The following MDH1 variants were observed in gnomAD, a reference collection of about 807,000 sequenced individuals.
The protein encoded by MDH1 is malate dehydrogenase 1, also known as malate dehydrogenase, cytoplasmic.
In MDH1, 15 loss-of-function variants were observed where a neutral mutation model predicts 38.7. The observed-to-expected ratio is 0.39, with a 90% confidence interval of 0.26 to 0.60. The LOEUF (loss-of-function observed/expected upper bound fraction) is 0.60. Among genes scored for constraint, MDH1 ranks in the 20% least tolerant of loss-of-function variants. The pLI is 0.56. For synonymous variants in MDH1, 144 were observed against 143.6 expected (o/e 1.00, Z -0.02); for missense variants, 368 against 405.2 (o/e 0.91, Z 0.79).
intron 5 of MDH1, among the ~76,000 whole-genome samples, chr2:63,602,498 G>A (rs1709442914): frequency 6.6e-6 from 1 of 151,958 alleles, no homozygotes; most frequent in Admixed American, 6.5e-5. Flanking sequence ...GGAAGTTGAT[G>A]AACTACACAA....
intron 1 of MDH1, chr2:63,589,355 G>T: frequency 6.4e-7 from 1 of 1,550,646 alleles, no homozygotes; most frequent in Non-Finnish European, 8.7e-7. Flanking sequence ...TTTTCCAAAG[G>T]ACGTTACGGT....
chr2:63,593,986 A>G (rs1230587481), intron 1 of MDH1, among the ~76,000 whole-genome samples: 1 of 152,200 alleles, frequency 6.6e-6, no homozygotes, highest in African/African-American at 2.4e-5. Flanking sequence ...TTCTCCCGAA[A>G]TAAAAAATCT....
intron 5 of MDH1, among the ~76,000 whole-genome samples, chr2:63,601,948 G>T (rs982262287): frequency 6.6e-6 from 1 of 152,190 alleles, no homozygotes; most frequent in Non-Finnish European, 1.5e-5. Flanking sequence ...GGTCATGGCA[G>T]ACGTAAAAAA....
At chr2:63,601,917 G>C (rs1349557253) in intron 5 of MDH1, among the ~76,000 whole-genome samples, 1 of 152,146 alleles carries the variant, frequency 6.6e-6, no homozygotes, top group Non-Finnish European at 1.5e-5. Context: ...TATAAGAGCA[G>C]TTTCTTCCCC....
In MDH1 at chr2:63,602,934, C is replaced by CTTTTTTTTTTTTT. The variant is rs370479356; in HGVS notation, c.499-1731_499-1719dup. On this transcript the variant is annotated intron_variant, in intron 5 of 8. Coordinates refer to ENST00000233114, the MANE Select transcript of MDH1 (RefSeq NM_005917.4). ...ACATAATACAGTTTATTTAACCGTT[C>CTTTTTTTTTTTTT]TTTTTTTTTTTTTTTTTTTTTTTTT... is the stretch of plus-strand genomic sequence containing the variant. Among the ~76,000 whole-genome samples the CTTTTTTTTTTTTT allele has an allele frequency of 6.9e-4, 91 of 131,592 alleles. 6 individuals are homozygous for CTTTTTTTTTTTTT. Among genetic ancestry groups the CTTTTTTTTTTTTT allele is most frequent in the Non-Finnish European group, 1.2e-3 (69 of 59,590 alleles). 86.3% of individuals were successfully genotyped at this position (131,592 alleles called of 152,430 possible). A position where few individuals can be genotyped will look rare whatever the true frequency, so the allele number is the denominator to read the frequency against.
intron 1 of MDH1, 90 bp from the exon 2 acceptor site, chr2:63,594,398 G>T: frequency 1.0e-6 from 1 of 976,516 alleles, no homozygotes; most frequent in Non-Finnish European, 1.7e-6. Context: ...CACTTTTAAA[G>T]TATGTGGATT....
At chr2:63,601,420 T>C (rs750713642) in intron 5 of MDH1, among the ~76,000 whole-genome samples, 2 of 152,182 alleles carry the variant, frequency 1.3e-5, no homozygotes, top group Non-Finnish European at 2.9e-5. Context: ...TAATTTGACA[T>C]TGATACCAGA....
chr2:63,592,927 T>C (rs1157406919), intron 1 of MDH1, among the ~76,000 whole-genome samples: 1 of 151,958 alleles, frequency 6.6e-6, no homozygotes, highest in Non-Finnish European at 1.5e-5. Flanking sequence ...TTTCCTCACC[T>C]ACTCTACTTC....
chr2:63,592,600 C>A (rs1361644408), intron 1 of MDH1, among the ~76,000 whole-genome samples: 1 of 152,224 alleles, frequency 6.6e-6, no homozygotes. Context: ...CCCGCCTTGT[C>A]CCCCCGCGCA....
chr2:63,599,177 T>C lies in MDH1; in HGVS notation c.383T>C (p.Val128Ala). The change falls in exon 5 of 9, where the codon GTT becomes GCT. Residue 128 changes from valine (V) to alanine (A), a missense_variant. Coordinates refer to ENST00000233114, the MANE Select transcript of MDH1 (RefSeq NM_005917.4). ...GCCTTCCATTCCTCCTAGGTTATTG[T>C]TGTGGGTAATCCAGCCAATACCAAC... ...KYAKKSVKVI[V>A]VGNPANTNCL... The C allele has an allele frequency of 6.2e-7, 1 of 1,613,682 alleles. No individual in the cohort carries two copies. Among genetic ancestry groups the C allele is most frequent in the Non-Finnish European group, 8.5e-7 (1 of 1,179,674 alleles).
At chr2:63,592,565 C>T (rs575345425) in intron 1 of MDH1, among the ~76,000 whole-genome samples, 5 of 152,234 alleles carry the variant, frequency 3.3e-5, no homozygotes, top group South Asian at 2.1e-4. Flanking sequence ...AGGCTGGTCT[C>T]GAACTCCTGG....
chr2:63,595,829 T>C (rs2106608235), intron 3 of MDH1, among the ~76,000 whole-genome samples: 1 of 152,336 alleles, frequency 6.6e-6, no homozygotes, highest in South Asian at 2.1e-4. Flanking sequence ...ACACACACAT[T>C]ATAGACAACG....
rs772495239 is a variant in MDH1 at position 63,597,425 on chromosome 2, G to T, written c.226G>T (p.Val76Phe). ...KDVIATDKED[V>F]AFKDLDVAIL... is the part of the protein sequence containing the mutation. ...TGTCATCGCAACAGATAAAGAAGAC[G>T]TTGCCTTCAAAGACCTGGATGTGGC... is the stretch of plus-strand genomic sequence containing the variant. Residue 76 changes from valine (V) to phenylalanine (F), a missense_variant, in exon 4 of 9, where the codon GTT (valine) becomes TTT (phenylalanine). Coordinates refer to ENST00000233114, the MANE Select transcript of MDH1 (RefSeq NM_005917.4). The T allele has an allele frequency of 1.4e-6, 2 of 1,450,794 alleles. No individual in the cohort carries two copies. Among genetic ancestry groups the T allele is most frequent in the East Asian group, 2.6e-5 (1 of 38,712 alleles). 89.9% of individuals were successfully genotyped at this position (1,450,794 alleles called of 1,614,324 possible). A position where few individuals can be genotyped will look rare whatever the true frequency, so the allele number is the denominator to read the frequency against.
At chr2:63,604,556 T>C in intron 5 of MDH1, 140 bp from the exon 6 acceptor site, 1 of 695,126 alleles carries the variant, frequency 1.4e-6, no homozygotes, top group Non-Finnish European at 2.3e-6. Context: ...TTTACATTTT[T>C]TACAAGTCAA....
intron 5 of MDH1, among the ~76,000 whole-genome samples, chr2:63,601,688 G>A (rs1709421566): frequency 6.6e-6 from 1 of 152,184 alleles, no homozygotes; most frequent in African/African-American, 2.4e-5. Context: ...GGAGCAAGAG[G>A]AGGAGGGCAA....
intron 1 of MDH1, chr2:63,590,106 C>T (rs965396907): frequency 6.6e-6 from 1 of 152,202 alleles, no homozygotes; most frequent in African/African-American, 2.4e-5. Flanking sequence ...ACCTAGGTTT[C>T]CTAAATGTTT....
chr2:63,592,020 TCCAGAG>T (rs1709209476), intron 1 of MDH1, among the ~76,000 whole-genome samples: 1 of 152,198 alleles, frequency 6.6e-6, no homozygotes, highest in Non-Finnish European at 1.5e-5. Context: ...AAAGTCTGGC[TCCAGAG>T]TCCATCTCTT....
Position 63,599,429 on chromosome 2 carries a change from A to G in MDH1, c.498+137A>G, listed in dbSNP as rs1709380929. ...GGAACCTATTACTTTTATTAAATTA[A>G]AAGTAAATTATTATTCATTTGTTAG... On this transcript the variant is annotated intron_variant, in intron 5 of 8. Coordinates refer to ENST00000233114, the MANE Select transcript of MDH1 (RefSeq NM_005917.4). 6.0e-6 allele frequency: 5 copies of G among 834,678 alleles called. No homozygotes were observed. The Middle Eastern group carries it at 2.0e-3, about 329-fold the overall frequency. 51.7% of individuals were successfully genotyped at this position (834,678 alleles called of 1,614,324 possible).
chr2:63,588,972 C>T lies in MDH1; in HGVS notation c.-72C>T. 5 of 1,610,620 alleles carry T rather than the reference C, an allele frequency of 3.1e-6. No homozygotes were observed. Among genetic ancestry groups the T allele is most frequent in the Non-Finnish European group, 4.2e-6 (5 of 1,176,914 alleles). The stretch of plus-strand genomic sequence containing the variant: ...ACCGCTCGCCCTCTCCGAGTCAGTT[C>T]CGCGGTAGAGGTGACCTGACTCTCT... On this transcript the variant is annotated 5_prime_UTR_variant, in exon 1 of 9. Transcript: ENST00000233114.
Sources: gnomAD v4.1 joint callset for allele counts (sites outside exome capture counted in the v4.1 genomes callset) on GRCh38, gnomAD v4.1.1 for gene constraint, MANE v1.5 for transcripts, NCBI Gene and HGNC (gene_info 2026-07-23, HGNC 2026-07-21) for gene names.